TRAPPC9: variants seen among roughly 807,000 people sequenced by gnomAD.
The protein encoded by TRAPPC9 is trafficking protein particle complex subunit 9.
A neutral mutation model predicts 124.0 loss-of-function variants in TRAPPC9; 83 were observed. That is an observed-to-expected ratio of 0.67 (90% CI 0.56 to 0.80). The LOEUF (loss-of-function observed/expected upper bound fraction) is 0.80. Among genes scored for constraint, TRAPPC9 ranks in the 30% least tolerant of loss-of-function variants. The pLI is 0.00. For missense variants in TRAPPC9, 1,302 were observed against 1,508.3 expected (o/e 0.86, Z 2.27); for synonymous variants, 638 against 617.5 (o/e 1.03, Z -0.49).
intron 19 of TRAPPC9, among the ~76,000 whole-genome samples, chr8:139,912,357 T>C (rs1216737171): frequency 6.6e-6 from 1 of 152,246 alleles, no homozygotes; most frequent in Non-Finnish European, 1.5e-5. Context: ...TATTCTATCT[T>C]AGGGTTGTAT....
At chr8:139,873,151 C>T (rs1829112317) in intron 21 of TRAPPC9, among the ~76,000 whole-genome samples, 1 of 151,900 alleles carries the variant, frequency 6.6e-6, no homozygotes, top group Non-Finnish European at 1.5e-5. Flanking sequence ...GGAATGGATG[C>T]TTGGAGGATA....
intron 19 of TRAPPC9, among the ~76,000 whole-genome samples, chr8:139,959,373 A>T (rs1479623295): frequency 6.6e-6 from 1 of 152,192 alleles, no homozygotes; most frequent in Non-Finnish European, 1.5e-5. Context: ...ACATCCATAA[A>T]TCAATGGCCT....
chr8:140,023,765 T>C (rs1489826697), intron 18 of TRAPPC9, among the ~76,000 whole-genome samples, 172 bp downstream of exon 18: 1 of 152,120 alleles, frequency 6.6e-6, no homozygotes, highest in Non-Finnish European at 1.5e-5. Context: ...GCAGTTCTCA[T>C]GTAACACCTG....
chr8:140,226,849 A>C (rs2063466779), intron 16 of TRAPPC9, among the ~76,000 whole-genome samples: 1 of 143,132 alleles, frequency 7.0e-6, no homozygotes, highest in South Asian at 2.2e-4. Context: ...AGCACTTTGC[A>C]AAAAAAAAAA....
At chr8:139,910,993 GT>G (rs1486636249) in intron 19 of TRAPPC9, among the ~76,000 whole-genome samples, 6 of 152,180 alleles carry the variant, frequency 3.9e-5, no homozygotes, top group Non-Finnish European at 8.8e-5. Flanking sequence ...GGCATGATTG[GT>G]TTTGAAATGT....
chr8:139,970,818 A>C (rs998451253), intron 19 of TRAPPC9, among the ~76,000 whole-genome samples: 3 of 152,102 alleles, frequency 2.0e-5, no homozygotes, highest in Non-Finnish European at 4.4e-5. Flanking sequence ...GTCCAGGATC[A>C]CAGTACAACC....
intron 18 of TRAPPC9, among the ~76,000 whole-genome samples, chr8:139,996,158 CAAAAA>C: frequency 4.6e-3 from 90 of 19,428 alleles, no homozygotes; most frequent in African/African-American, 7.5e-3. Context: ...AAAACTTAAG[CAAAAA>C]AAAAAAAAAA....
intron 17 of TRAPPC9, among the ~76,000 whole-genome samples, chr8:140,047,811 C>A (rs1235901214): frequency 1.3e-5 from 2 of 152,224 alleles, no homozygotes; most frequent in Non-Finnish European, 2.9e-5. Flanking sequence ...AGCAGAAAGC[C>A]AGATCAGACT....
In TRAPPC9 at chr8:139,987,675, C is replaced by T. The variant is rs145762860; in HGVS notation, c.2810+1051G>A. ...GCAATTAAAAATAAAAATATTATTCCCTCTAGAATTCCATGTGTAAGTGTG... is the reference window on the plus strand; with the variant it reads ...GCAATTAAAAATAAAAATATTATTCTCTCTAGAATTCCATGTGTAAGTGTG... On this transcript the variant is annotated intron_variant, in intron 19 of 22. Transcript: ENST00000438773. Among the ~76,000 whole-genome samples the T allele has an allele frequency of 8.1e-4, 123 of 152,096 alleles. 1 individual carries two copies. Among genetic ancestry groups the T allele is most frequent in the Admixed American group, 7.4e-3 (113 of 15,270 alleles).
chr8:140,197,318 G>A (rs975123397), intron 17 of TRAPPC9, among the ~76,000 whole-genome samples: 2 of 152,248 alleles, frequency 1.3e-5, no homozygotes, highest in African/African-American at 2.4e-5. Context: ...GAGCACTGCA[G>A]TCTTAAAACA....
At chr8:140,147,584 A>C (rs2061482144) in intron 17 of TRAPPC9, among the ~76,000 whole-genome samples, 1 of 152,240 alleles carries the variant, frequency 6.6e-6, no homozygotes, top group South Asian at 2.1e-4. Context: ...TGAGAAATCA[A>C]AGCCTAAATC....
At chr8:140,035,319 A>T (rs762876351) in intron 17 of TRAPPC9, among the ~76,000 whole-genome samples, 2 of 152,226 alleles carry the variant, frequency 1.3e-5, no homozygotes, top group Non-Finnish European at 2.9e-5. Flanking sequence ...CCAGCACTTC[A>T]TCAGACTTCC....
chr8:140,339,669 C>T (rs746304847), intron 9 of TRAPPC9, among the ~76,000 whole-genome samples: 21 of 152,266 alleles, frequency 1.4e-4, no homozygotes, highest in Non-Finnish European at 2.1e-4. Context: ...TTTTCCAGTT[C>T]GTTCCAGTTT....
At position 139,907,934 on chromosome 8, in the gene TRAPPC9, G is replaced by A. The variant is rs556091698; in HGVS notation, c.2964+2213C>T. Among the ~76,000 whole-genome samples, 9 of 152,308 alleles carry A rather than the reference G, an allele frequency of 5.9e-5. No homozygotes were observed. The East Asian group carries it at 1.7e-3, about 29-fold the overall frequency. On this transcript the variant is annotated intron_variant, in intron 20 of 22. Transcript: ENST00000438773. This position sits in a 1 kb window ranked among gnomAD's most constrained non-coding sequence, Gnocchi z 4.7. ...CCACGCCACTTTCTCTTTGTGAAGT[G>A]GAGTCACAGTTTTCATCTGCAAGAC... is the stretch of plus-strand genomic sequence containing the variant.
chr8:140,147,513 A>G (rs1587807515), intron 17 of TRAPPC9, among the ~76,000 whole-genome samples: 3 of 152,350 alleles, frequency 2.0e-5, no homozygotes, highest in Admixed American at 1.3e-4. Context: ...TCCTGTTTCA[A>G]TGCCTTTCTC....
At chr8:139,792,437 CGT>C (rs1227307617) in intron 21 of TRAPPC9, among the ~76,000 whole-genome samples, 3 of 152,172 alleles carry the variant, frequency 2.0e-5, no homozygotes, top group Non-Finnish European at 4.4e-5. Context: ...GGCCTGGCTG[CGT>C]GTGGGCCTGG....
intron 19 of TRAPPC9, among the ~76,000 whole-genome samples, chr8:139,936,306 C>T (rs1209501060): frequency 6.6e-6 from 1 of 152,266 alleles, no homozygotes; most frequent in Non-Finnish European, 1.5e-5. Flanking sequence ...GCAGGCAGTG[C>T]GCTTCTTCAT....
intron 21 of TRAPPC9, among the ~76,000 whole-genome samples, chr8:139,834,326 T>G (rs925041362): frequency 6.6e-6 from 1 of 152,150 alleles, no homozygotes; most frequent in Non-Finnish European, 1.5e-5. Context: ...TAGCTGCAAA[T>G]GGAGATCCAG....
chr8:140,061,284 CCCAAGGCTGCCCGGCAGCCTGTT>C (rs11275897), intron 17 of TRAPPC9, among the ~76,000 whole-genome samples: 68,045 of 152,054 alleles, frequency 0.45, 16,833 homozygotes, highest in Middle Eastern at 0.57. Flanking sequence ...GACTGCCATT[CCCAAGGCTGCCCGGCAGCCTGTT>C]GTGTCCTCTC....
Sources: gnomAD v4.1 joint callset for allele counts (sites outside exome capture counted in the v4.1 genomes callset) on GRCh38, gnomAD v4.1.1 for gene constraint, Gnocchi (gnomAD v3.1) non-coding constraint, MANE v1.5 for transcripts, NCBI Gene and HGNC (gene_info 2026-07-23, HGNC 2026-07-21) for gene names.